The following RPH3AL variants were observed in gnomAD, a reference collection of about 807,000 sequenced individuals.
The protein encoded by RPH3AL is rabphilin 3A like (without C2 domains).
In RPH3AL, 38 loss-of-function variants were observed where a neutral mutation model predicts 43.1. The ratio of observed to expected loss-of-function variants is 0.88; its 90% CI spans 0.68 to 1.15. RPH3AL has a LOEUF of 1.15. Among genes scored for constraint, RPH3AL ranks in the 50% most tolerant of loss-of-function variants. The pLI is 0.00. For missense variants in RPH3AL, 462 were observed against 423.2 expected (o/e 1.09, Z -0.81); for synonymous variants, 189 against 176.3 (o/e 1.07, Z -0.57).
chr17:235,502 G>A (rs1314220072), intron 7 of RPH3AL, among the ~76,000 whole-genome samples: 12 of 139,714 alleles, frequency 8.6e-5, no homozygotes, highest in African/African-American at 2.8e-4. Context: ...GACGGATCCA[G>A]GGTTCAAAGC....
intron 6 of RPH3AL, among the ~76,000 whole-genome samples, chr17:273,134 G>GAGAGACCCCAGCGCGGGCGACATCAGGA (rs2042549982): frequency 2.2e-5 from 1 of 45,984 alleles, no homozygotes. Context: ...TGACGTCAGG[G>GAGAGACCCCAGCGCGGGCGACATCAGGA]AGAGACCCCA....
intron 5 of RPH3AL, among the ~76,000 whole-genome samples, chr17:286,780 G>C (rs573117891): frequency 2.0e-5 from 3 of 152,298 alleles, no homozygotes; most frequent in East Asian, 3.9e-4. Flanking sequence ...GGGCAAGCGA[G>C]TCCTGGCTTC....
chr17:321,581 A>ACGGCCCAGG lies in RPH3AL; in HGVS notation c.78-167_78-166insCCTGGGCCG, dbSNP rs1278593206. ...AGAGATGGCCCAGGTGGCAACAGAGATGGCCCAGGTGGCAACAGAGACGGC... is the reference window on the plus strand; with the variant it reads ...AGAGATGGCCCAGGTGGCAACAGAGACGGCCCAGGTGGCCCAGGTGGCAACAGAGACGGC... On this transcript the variant is annotated intron_variant, in intron 3 of 9. Transcript: ENST00000331302. 1,539 of 701,708 alleles carry ACGGCCCAGG rather than the reference A, an allele frequency of 2.2e-3. 10 individuals are homozygous for ACGGCCCAGG. The highest frequency in any genetic ancestry group is 6.1e-3 in the Middle Eastern group (16 of 2,640). The allele number at this position is 701,708 out of a possible 1,614,324, so 43.5% of individuals were successfully genotyped here. A position where few individuals can be genotyped will look rare whatever the true frequency, so the allele number is the denominator to read the frequency against.
intron 7 of RPH3AL, among the ~76,000 whole-genome samples, chr17:228,665 T>G (rs1372921254): frequency 6.6e-6 from 1 of 152,178 alleles, no homozygotes; most frequent in East Asian, 1.9e-4. Flanking sequence ...GAGGCAGAGC[T>G]GGGATTTGAA....
intron 7 of RPH3AL, 31 bp from the exon 8 acceptor site, chr17:219,767 C>A: frequency 6.5e-7 from 1 of 1,545,420 alleles, no homozygotes; most frequent in South Asian, 1.1e-5. Flanking sequence ...CACAGGAGGT[C>A]ACCCGACCAG....
chr17:327,663 C>T, intron 2 of RPH3AL, 84 bp from the exon 3 acceptor site: 2 of 776,914 alleles, frequency 2.6e-6, no homozygotes, highest in Non-Finnish European at 4.3e-6. Flanking sequence ...CCCTCAGGCC[C>T]CTCCACACCA....
intron 2 of RPH3AL, chr17:331,730 T>C (rs762351157): frequency 1.6e-6 from 2 of 1,288,536 alleles, no homozygotes; most frequent in South Asian, 2.5e-5. Context: ...GGGTAAACTA[T>C]GCTCGCCACC....
At chr17:258,057 A>T (rs1405280120) in intron 6 of RPH3AL, among the ~76,000 whole-genome samples, 1 of 151,850 alleles carries the variant, frequency 6.6e-6, no homozygotes, top group African/African-American at 2.4e-5. Context: ...TTCAGGGCTC[A>T]CGCACGCAGC....
chr17:317,217 T>C (rs1690480094), intron 5 of RPH3AL, among the ~76,000 whole-genome samples: 1 of 149,366 alleles, frequency 6.7e-6, no homozygotes, highest in Non-Finnish European at 1.5e-5. Context: ...CCACCTCCAT[T>C]GACCTGCAGT....
intron 5 of RPH3AL, among the ~76,000 whole-genome samples, chr17:298,985 A>G (rs2043252174): frequency 1.3e-5 from 2 of 151,278 alleles, no homozygotes; most frequent in African/African-American, 4.8e-5. Flanking sequence ...CAGCCGGGGA[A>G]TGAACTGAGG....
chr17:217,379 C>G (rs1289474543), intron 8 of RPH3AL, among the ~76,000 whole-genome samples: 1 of 75,682 alleles, frequency 1.3e-5, no homozygotes, highest in African/African-American at 3.1e-5. Flanking sequence ...AATCAGGACC[C>G]CCAAGGCATT....
chr17:267,579 G>A (rs1191962181), intron 6 of RPH3AL, among the ~76,000 whole-genome samples: 1 of 152,254 alleles, frequency 6.6e-6, no homozygotes, highest in East Asian at 1.9e-4. Flanking sequence ...CCAATCGGCA[G>A]GGCTCGAGGG....
intron 5 of RPH3AL, 51 bp downstream of exon 5, chr17:319,369 G>A (rs1022209459): frequency 6.3e-7 from 1 of 1,594,274 alleles, no homozygotes; most frequent in South Asian, 1.1e-5. Flanking sequence ...AGCGCAGCGG[G>A]GCTGGTCCAG....
chr17:337,002 G>C (rs922203812), intron 1 of RPH3AL, among the ~76,000 whole-genome samples: 6 of 152,306 alleles, frequency 3.9e-5, no homozygotes, highest in Middle Eastern at 3.4e-3. Context: ...CATCCTCGGG[G>C]GCATTTACCT....
At chr17:296,621 C>T (rs1376675133) in intron 5 of RPH3AL, among the ~76,000 whole-genome samples, 7 of 152,164 alleles carry the variant, frequency 4.6e-5, no homozygotes, top group African/African-American at 9.7e-5. Context: ...GCCGATGGCT[C>T]GCCATGGCCA....
chr17:248,434 TG>T (rs1555541059), intron 6 of RPH3AL, among the ~76,000 whole-genome samples: 1 of 152,108 alleles, frequency 6.6e-6, no homozygotes, highest in Non-Finnish European at 1.5e-5. Context: ...GAGAGCCAGG[TG>T]GGTCAGAGGG....
At chr17:261,094 A>G (rs1245951462) in intron 6 of RPH3AL, among the ~76,000 whole-genome samples, 1 of 152,260 alleles carries the variant, frequency 6.6e-6, no homozygotes, top group Non-Finnish European at 1.5e-5. Flanking sequence ...GCCAGCACAC[A>G]GCAGATACCC....
intron 6 of RPH3AL, among the ~76,000 whole-genome samples, chr17:258,993 C>T (rs541775571): frequency 6.6e-6 from 1 of 152,222 alleles, no homozygotes; most frequent in Admixed American, 6.5e-5. Flanking sequence ...ATATTTATGC[C>T]CAGAAGGGGC....
At chr17:329,125 A>G (rs2044687097) in intron 2 of RPH3AL, among the ~76,000 whole-genome samples, 1 of 152,168 alleles carries the variant, frequency 6.6e-6, no homozygotes, top group South Asian at 2.1e-4. Context: ...ATTTTATGGC[A>G]TGTGAATTAC....
Sources: allele counts gnomAD v4.1 joint callset (sites outside exome capture counted in the v4.1 genomes callset), GRCh38; gene constraint gnomAD v4.1.1; transcripts MANE v1.5; gene names NCBI Gene and HGNC (gene_info 2026-07-23, HGNC 2026-07-21).